The following WDR36 variants were observed in gnomAD, a reference collection of about 807,000 sequenced individuals.
WDR36 encodes WD repeat-containing protein 36.
WDR36 carries 63 observed loss-of-function variants against 112.7 expected under a neutral mutation model. That is an observed-to-expected ratio of 0.56 (90% confidence interval 0.46 to 0.69). The LOEUF (loss-of-function observed/expected upper bound fraction) is 0.69, where lower values mean the gene tolerates loss of function less well. WDR36 is among the 30% of genes least tolerant of loss of function. WDR36 has a pLI of 0.00. For synonymous variants in WDR36, 410 were observed against 362.2 expected (o/e 1.13, Z -1.50); for missense variants, 1,226 against 1,070.3 (o/e 1.15, Z -2.03).
At chr5:111,126,652 G>C in intron 22 of WDR36, 82 bp from the exon 23 acceptor site, 1 of 1,469,400 alleles carries the variant, frequency 6.8e-7, no homozygotes, top group Non-Finnish European at 9.5e-7. Flanking sequence ...GTCTTTTGTG[G>C]TTCCTTGGTA....
Position 111,126,866 on chromosome 5 carries a change from A to T in WDR36, c.2671A>T (p.Lys891Ter), listed in dbSNP as rs1753687539. Residue 891 changes from lysine to a stop codon, truncating the protein, a stop_gained, in exon 23 of 23, where the codon AAA (lysine) becomes TAA (stop). Coordinates refer to ENST00000513710, the MANE Select transcript of WDR36 (RefSeq NM_139281.3). LOFTEE classifies it high-confidence loss of function. ...NQSMCILNYL[K>*]SALL is the part of the protein sequence containing the mutation. ...AAGCATGTGTATTTTAAATTATCTC[A>T]AAAGTGCTTTGTTGTAAAAATAAAT... The T allele has an allele frequency of 6.2e-7, 1 of 1,606,488 alleles. No individual in the cohort carries two copies. The highest frequency in any genetic ancestry group is 8.5e-7 in the Non-Finnish European group (1 of 1,176,810).
At chr5:111,101,697 A>T (rs1287394177) in intron 5 of WDR36, among the ~76,000 whole-genome samples, 4 of 151,862 alleles carry the variant, frequency 2.6e-5, no homozygotes. Context: ...TAAATTCAAA[A>T]GGGAAAATAA....
chr5:111,126,366 T>C (rs1407338310), intron 22 of WDR36, among the ~76,000 whole-genome samples: 1 of 152,142 alleles, frequency 6.6e-6, no homozygotes, highest in South Asian at 2.1e-4. Context: ...GGGTCTACTT[T>C]AGTGGTATAA....
rs138125755 is a variant in WDR36 at position 111,123,835 on chromosome 5, G to C, written c.2179G>C (p.Val727Leu). Residue 727 changes from valine to leucine, a missense_variant, in exon 20 of 23, where the codon GTA (valine) becomes CTA (leucine). Val to Leu is a conservative substitution (Grantham distance 32). Transcript: ENST00000513710. ...KKNKPKEPPKVPKSAPFFIPT... is the reference protein window; with the variant it reads ...KKNKPKEPPKLPKSAPFFIPT... ...GAATAAACCAAAGGAACCACCCAAAGTACCCAAATCAGCACCATTTTTCAT... is the reference window on the plus strand; with the variant it reads ...GAATAAACCAAAGGAACCACCCAAACTACCCAAATCAGCACCATTTTTCAT... 6.8e-5 allele frequency: 109 copies of C among 1,613,666 alleles called. No homozygotes were observed. The highest frequency in any genetic ancestry group is 9.1e-5 in the Non-Finnish European group (107 of 1,179,874).
rs1336835031 is a variant in WDR36, at chr5:111,095,186, T to A, written c.190+239T>A. 9.7e-5 allele frequency: 48 copies of A among 492,444 alleles called. No homozygotes were observed. The South Asian group carries it at 1.1e-3, about 11-fold the overall frequency. The allele number at this position is 492,444 out of a possible 1,614,324, so 30.5% of individuals were successfully genotyped here. A position where few individuals can be genotyped will look rare whatever the true frequency, so the allele number is the denominator to read the frequency against. Reference sequence around the variant, plus strand: ...AGACTTTCTTTGTGCTTCATGACATTGACACATTGACATTTTTGAAGAGTA... The same window carrying A: ...AGACTTTCTTTGTGCTTCATGACATAGACACATTGACATTTTTGAAGAGTA... On this transcript the variant is annotated intron_variant, in intron 2 of 22. Coordinates refer to ENST00000513710, the MANE Select transcript of WDR36 (RefSeq NM_139281.3).
intron 16 of WDR36, among the ~76,000 whole-genome samples, chr5:111,117,639 TC>T (rs746978514): frequency 1.1e-4 from 17 of 152,190 alleles, no homozygotes; most frequent in Non-Finnish European, 2.2e-4. Context: ...TCTGGACTGA[TC>T]CGCCTTAATA....
intron 19 of WDR36, 56 bp from the exon 20 acceptor site, chr5:111,123,749 T>C (rs1280503464): frequency 2.5e-6 from 4 of 1,597,414 alleles, no homozygotes; most frequent in South Asian, 1.1e-5. Context: ...AAATTAAATA[T>C]GAGAAACTGT....
chr5:111,098,581 T>C, intron 3 of WDR36, 141 bp from the exon 4 acceptor site: 1 of 669,432 alleles, frequency 1.5e-6, no homozygotes, highest in Non-Finnish European at 2.7e-6. Context: ...TATGTGTTCA[T>C]CCTAACCTTG....
chr5:111,118,959 TATCTCC>T, intron 16 of WDR36, 48 bp from the exon 17 acceptor site: 2 of 1,437,774 alleles, frequency 1.4e-6, no homozygotes, highest in Non-Finnish European at 2.0e-6. Flanking sequence ...TTTTGTGAAT[TATCTCC>T]TTTTTGGTAG....
Position 111,120,438 on chromosome 5 carries a change from T to C in WDR36, c.1905-58T>C, listed in dbSNP as rs1753541797. The C allele has an allele frequency of 3.0e-6, 4 of 1,338,072 alleles. No homozygotes were observed. The South Asian group carries it at 3.6e-5, about 12-fold the overall frequency. The allele number at this position is 1,338,072 out of a possible 1,614,324, so 82.9% of individuals were successfully genotyped here. ...AGTCAAATTCAAGATTGTAGAGTGT[T>C]TCTCTGAAAGAAACTTTTTATAATT... On this transcript the variant is annotated intron_variant, in intron 17 of 22. Coordinates refer to ENST00000513710, the MANE Select transcript of WDR36 (RefSeq NM_139281.3).
intron 18 of WDR36, 78 bp downstream of exon 18, chr5:111,120,671 A>G: frequency 8.6e-7 from 1 of 1,156,730 alleles, no homozygotes; most frequent in Non-Finnish European, 1.3e-6. Flanking sequence ...ACCAAAGGCA[A>G]AGTTTAGTGC....
intron 22 of WDR36, 37 bp downstream of exon 22, chr5:111,125,832 T>C (rs1753669869): frequency 6.2e-7 from 1 of 1,610,020 alleles, no homozygotes; most frequent in African/African-American, 1.3e-5. Flanking sequence ...CCAGCTTGTC[T>C]TCTTCTGGGG....
chr5:111,107,576 C>G, intron 12 of WDR36, 137 bp downstream of exon 12: 1 of 1,168,184 alleles, frequency 8.6e-7, no homozygotes, highest in Non-Finnish European at 1.2e-6. Context: ...AACCCAAAGC[C>G]ACAAAAATTT....
At chr5:111,093,158 C>A (rs1462929516) in intron 1 of WDR36, among the ~76,000 whole-genome samples, 3 of 152,232 alleles carry the variant, frequency 2.0e-5, no homozygotes, top group Non-Finnish European at 2.9e-5. Flanking sequence ...TTCTTTGCAA[C>A]ATAGGTGTCA....
intron 17 of WDR36, among the ~76,000 whole-genome samples, chr5:111,120,140 G>T (rs536978761): frequency 7.2e-5 from 11 of 151,900 alleles, no homozygotes; most frequent in Admixed American, 7.2e-4. Context: ...CAGCATATTC[G>T]CACTCTGACT....
At chr5:111,126,556 C>T (rs948308750) in intron 22 of WDR36, among the ~76,000 whole-genome samples, 178 bp from the exon 23 acceptor site, 3 of 151,742 alleles carry the variant, frequency 2.0e-5, no homozygotes, top group Admixed American at 1.3e-4. Flanking sequence ...TCATAAAGGA[C>T]CTTATAATAA....
At chr5:111,096,220 A>G (rs1395492822) in intron 2 of WDR36, among the ~76,000 whole-genome samples, 1 of 152,196 alleles carries the variant, frequency 6.6e-6, no homozygotes, top group African/African-American at 2.4e-5. Flanking sequence ...GAGAAATGCT[A>G]AAGATTGATA....
chr5:111,110,227 T>C lies in WDR36; in HGVS notation c.1365T>C (p.Ile455=). Residue 455 remains isoleucine, a synonymous_variant, in exon 13 of 23, where the codon ATT becomes ATC. Coordinates refer to ENST00000513710, the MANE Select transcript of WDR36 (RefSeq NM_139281.3). The stretch of plus-strand genomic sequence containing the variant: ...CTTCTTGTGGAAACTTTGCTGTAAT[T>C]GGCCTCTCATCAGGAACTGTAGATG... ...DITSCGNFAV[I]GLSSGTVDVY... 2.5e-6 allele frequency: 4 copies of C among 1,611,034 alleles called. No individual in the cohort carries two copies. Among genetic ancestry groups the C allele is most frequent in the Non-Finnish European group, 3.4e-6 (4 of 1,177,700 alleles).
chr5:111,120,999 T>C lies in WDR36; in HGVS notation c.2006T>C (p.Val669Ala). The C allele has an allele frequency of 6.2e-7, 1 of 1,612,754 alleles. No homozygotes were observed. The change falls in exon 19 of 23, where the codon GTA (valine) becomes GCA (alanine). Residue 669 changes from valine (V) to alanine (A), a missense_variant. Transcript: ENST00000513710. ...TTACCTGAAAAATTTTTTTAAGATG[T>C]AGAAGTATCAGAAGAAACAGTAGAA... ...MLPGTCQTQD[V>A]EVSEETVEPS... is the part of the protein sequence containing the mutation.
Sources: allele counts gnomAD v4.1 joint callset (sites outside exome capture counted in the v4.1 genomes callset), GRCh38; gene constraint gnomAD v4.1.1; transcripts MANE v1.5; gene names NCBI Gene and HGNC (gene_info 2026-07-23, HGNC 2026-07-21).